Variants in EFCAB13 observed in about 807,000 individuals in gnomAD.
EFCAB13 encodes the protein EF-hand calcium-binding domain-containing protein 13.
Under a neutral mutation model 110.2 loss-of-function variants are expected in EFCAB13, and 91 were observed. The ratio of observed to expected loss-of-function variants is 0.83; its 90% CI spans 0.70 to 0.98. EFCAB13 has a LOEUF of 0.98. EFCAB13 is among the 50% of genes least tolerant of loss of function. The probability of loss-of-function intolerance (pLI) is 0.00; values close to 1 mark genes in which losing one functional copy is unlikely to be tolerated. For missense variants in EFCAB13, 968 were observed against 1,119.4 expected, an observed-to-expected ratio of 0.86 and a Z score of 1.93; for synonymous variants, 323 against 369.9, an observed-to-expected ratio of 0.87 and a Z score of 1.45.
Position 47,402,219 on chromosome 17 carries a change from T to C in EFCAB13, c.2017+16T>C, listed in dbSNP as rs745656438. 9 of 1,603,284 alleles carry C rather than the reference T, an allele frequency of 5.6e-6. No homozygotes were observed. In the African/African-American group the frequency reaches 1.2e-4, roughly 21 times the overall value. ...AGGTTAGAAGGTAAGTACTGAATTA[T>C]TTATAACGGTTAGATTTACTTTTAT... is the stretch of plus-strand genomic sequence containing the variant. On this transcript the variant is annotated intron_variant, in intron 18 of 24. Transcript: ENST00000331493.
At chr17:47,407,452 A>G (rs2065810931) in intron 20 of EFCAB13, among the ~76,000 whole-genome samples, 1 of 73,118 alleles carries the variant, frequency 1.4e-5, no homozygotes, top group African/African-American at 5.5e-5. Flanking sequence ...CAAAGAGGCC[A>G]TCAATTTTAT....
chr17:47,397,357 C>G (rs888085275), intron 17 of EFCAB13, among the ~76,000 whole-genome samples: 1 of 152,094 alleles, frequency 6.6e-6, no homozygotes, highest in Admixed American at 6.5e-5. Flanking sequence ...GATCTCGGCT[C>G]GCTACAACCT....
chr17:47,377,779 A>AGG lies in EFCAB13; in HGVS notation c.1387_1388insGG (p.Ala463GlyfsTer28). 6.3e-7 allele frequency: 1 copy of AGG among 1,579,746 alleles called. No homozygotes were observed. Among genetic ancestry groups the AGG allele is most frequent in the African/African-American group, 1.4e-5 (1 of 72,884 alleles). On this transcript the variant is annotated frameshift_variant, in exon 13 of 25. Transcript: ENST00000331493. LOFTEE classifies it high-confidence loss of function. The stretch of plus-strand genomic sequence containing the variant: ...TTGTGTATTTAGAAAACTTCTGTGA[A>AGG]GCTATCAGTAAACTTCAAGAAAATT...
chr17:47,398,176 C>T (rs1193722569), intron 17 of EFCAB13, among the ~76,000 whole-genome samples: 12 of 144,238 alleles, frequency 8.3e-5, no homozygotes, highest in South Asian at 4.6e-4. Flanking sequence ...TCTGCCCAGC[C>T]GCCCCTACTG....
Position 47,377,672 on chromosome 17 carries a change from A to G in EFCAB13, c.1373-94A>G, listed in dbSNP as rs566154280. 1.5e-4 allele frequency: 165 copies of G among 1,119,096 alleles called. No homozygotes were observed. The East Asian group carries it at 4.0e-3, about 27-fold the overall frequency. 69.3% of individuals were successfully genotyped at this position (1,119,096 alleles called of 1,614,324 possible). On this transcript the variant is annotated intron_variant, in intron 12 of 24. Transcript: ENST00000331493. Reference sequence around the variant, plus strand: ...TCTATAAGGTAATATAAAATAGATAAAACTTGTTCTCTAATTTCTAAAGAT... The same window carrying G: ...TCTATAAGGTAATATAAAATAGATAGAACTTGTTCTCTAATTTCTAAAGAT...
intron 1 of EFCAB13, among the ~76,000 whole-genome samples, 157 bp from the exon 2 acceptor site, chr17:47,324,297 T>A (rs1179621908): frequency 2.0e-5 from 3 of 151,862 alleles, no homozygotes; most frequent in African/African-American, 7.3e-5. Flanking sequence ...ATCAGGTGGT[T>A]CCTCAGAAAT....
chr17:47,398,122 GC>G (rs1000388384), intron 17 of EFCAB13, among the ~76,000 whole-genome samples: 3 of 137,802 alleles, frequency 2.2e-5, no homozygotes, highest in Non-Finnish European at 3.1e-5. Flanking sequence ...GGGGGGGTCA[GC>G]CCCCCCCTGG....
chr17:47,375,473 T>C (rs1377114002), intron 12 of EFCAB13, among the ~76,000 whole-genome samples: 5 of 149,592 alleles, frequency 3.3e-5, no homozygotes, highest in African/African-American at 1.2e-4. Context: ...TTTTTTTTTT[T>C]TCATAGAGAC....
intron 9 of EFCAB13, among the ~76,000 whole-genome samples, chr17:47,359,683 G>C (rs1223300936): frequency 6.7e-6 from 1 of 149,756 alleles, no homozygotes; most frequent in Non-Finnish European, 1.5e-5. Context: ...GTGCAGGTTA[G>C]TTACATATGT....
At position 47,404,646 on chromosome 17, in the gene EFCAB13, TG is replaced by T. The variant is rs764552657; in HGVS notation, c.2233+15del. On this transcript the variant is annotated intron_variant, in intron 20 of 24. Coordinates refer to ENST00000331493, the MANE Select transcript of EFCAB13 (RefSeq NM_152347.5). ...TCCAATTATATTGGTAAGAGCTTTA[TG>T]GTAATACTGTTAGAAGGCAATGATA... 2 of 1,587,236 alleles carry T rather than the reference TG, an allele frequency of 1.3e-6. No individual in the cohort carries two copies. The highest frequency in any genetic ancestry group is 2.2e-5 in the South Asian group (2 of 89,990).
intron 4 of EFCAB13, among the ~76,000 whole-genome samples, 167 bp downstream of exon 4, chr17:47,328,550 A>T (rs1475330811): frequency 2.6e-5 from 4 of 152,180 alleles, no homozygotes; most frequent in Non-Finnish European, 5.9e-5. Flanking sequence ...ACATGTATTG[A>T]ACTCCCATCC....
chr17:47,351,821 C>T (rs1034409336), intron 9 of EFCAB13, among the ~76,000 whole-genome samples: 1 of 149,586 alleles, frequency 6.7e-6, no homozygotes, highest in African/African-American at 2.5e-5. Context: ...GTTGTTGTTG[C>T]TTGTGCTTTC....
chr17:47,418,887 A>C (rs1904539310), intron 23 of EFCAB13, among the ~76,000 whole-genome samples: 1 of 152,160 alleles, frequency 6.6e-6, no homozygotes, highest in Non-Finnish European at 1.5e-5. Context: ...CTGGACTCTC[A>C]ATTCTATTCC....
At chr17:47,387,331 G>C (rs2143398944) in intron 14 of EFCAB13, among the ~76,000 whole-genome samples, 1 of 152,292 alleles carries the variant, frequency 6.6e-6, no homozygotes, top group East Asian at 1.9e-4. Flanking sequence ...ATTTGATCTA[G>C]AGTGTAGTTT....
At chr17:47,382,029 T>G (rs1025660539) in intron 14 of EFCAB13, among the ~76,000 whole-genome samples, 2 of 152,118 alleles carry the variant, frequency 1.3e-5, no homozygotes, top group Non-Finnish European at 2.9e-5. Flanking sequence ...TCTCTTATTT[T>G]CTTGAGCAGT....
In EFCAB13 at chr17:47,404,637, A is replaced by C. The variant is rs2065796295; in HGVS notation, c.2233+4A>C. ...CAGAAATTTTCCAATTATATTGGTA[A>C]GAGCTTTATGGTAATACTGTTAGAA... On this transcript the variant is annotated splice_donor_region_variant and intron_variant, in intron 20 of 24. Transcript: ENST00000331493. 5 of 1,605,428 alleles carry C rather than the reference A, an allele frequency of 3.1e-6. No individual in the cohort carries two copies. The highest frequency in any genetic ancestry group is 4.3e-6 in the Non-Finnish European group (5 of 1,172,926).
intron 2 of EFCAB13, among the ~76,000 whole-genome samples, chr17:47,325,278 C>G (rs1453041422): frequency 6.6e-6 from 1 of 151,714 alleles, no homozygotes; most frequent in African/African-American, 2.4e-5. Context: ...ACCCCCACCC[C>G]CGCATCAAAG....
intron 23 of EFCAB13, among the ~76,000 whole-genome samples, chr17:47,416,429 T>G (rs1035197052): frequency 6.6e-6 from 1 of 152,196 alleles, no homozygotes; most frequent in African/African-American, 2.4e-5. Context: ...TTCTTTCTCT[T>G]TTTTTCAACT....
chr17:47,384,966 T>C (rs975007876), intron 14 of EFCAB13, among the ~76,000 whole-genome samples: 1 of 151,976 alleles, frequency 6.6e-6, no homozygotes, highest in Non-Finnish European at 1.5e-5. Context: ...AGAGATGGGG[T>C]TTCACCGTGT....
Sources: allele counts gnomAD v4.1 joint callset (sites outside exome capture counted in the v4.1 genomes callset), GRCh38; gene constraint gnomAD v4.1.1; transcripts MANE v1.5; gene names NCBI Gene and HGNC (gene_info 2026-07-23, HGNC 2026-07-21).